Variants in DNAJB1 observed in about 807,000 individuals in gnomAD.
DNAJB1 encodes dnaJ homolog subfamily B member 1.
In DNAJB1, 14 loss-of-function variants were observed where a neutral mutation model predicts 24.0. The ratio of observed to expected loss-of-function variants is 0.58; its 90% CI spans 0.39 to 0.91. The LOEUF is 0.91. Among genes scored for constraint, DNAJB1 ranks in the 40% least tolerant of loss-of-function variants. The probability of loss-of-function intolerance (pLI) is 0.00; values close to 1 mark genes in which losing one functional copy is unlikely to be tolerated. For missense variants in DNAJB1, 517 were observed against 458.1 expected (o/e 1.13, Z -1.17); for synonymous variants, 262 against 174.4 (o/e 1.50, Z -3.96).
At chr19:14,538,928 A>G (rs1368865135) in intron 1 of DNAJB1, among the ~76,000 whole-genome samples, 1 of 151,668 alleles carries the variant, frequency 6.6e-6, no homozygotes, top group African/African-American at 2.4e-5. Context: ...AGAAGCCCAG[A>G]TGCCAGTGCC....
intron 1 of DNAJB1, among the ~76,000 whole-genome samples, chr19:14,547,994 C>T (rs1167128917): frequency 5.5e-5 from 8 of 145,254 alleles, no homozygotes; most frequent in African/African-American, 1.8e-4. Flanking sequence ...GACGGAGTCT[C>T]GCTCTGTCAC....
At chr19:14,554,025 G>C (rs1053295154), upstream of DNAJB1, among the ~76,000 whole-genome samples, 3 of 152,210 alleles carry the variant, frequency 2.0e-5, no homozygotes, top group African/African-American at 7.2e-5. Context: ...CCGGAGCTTT[G>C]AGCTCAACAG....
intron 1 of DNAJB1, among the ~76,000 whole-genome samples, chr19:14,538,039 C>CACTCA (rs2072966578): frequency 6.6e-6 from 1 of 152,164 alleles, no homozygotes; most frequent in East Asian, 1.9e-4. Flanking sequence ...AGCCACTGCG[C>CACTCA]CGGCAGTGTG....
In DNAJB1 at chr19:14,518,260, G is replaced by A; in HGVS notation, c.90C>T (p.Arg30=). 3 of 1,608,260 alleles carry A rather than the reference G, an allele frequency of 1.9e-6. No individual in the cohort carries two copies. In the South Asian group the frequency reaches 3.3e-5, roughly 18 times the overall value. The stretch of plus-strand genomic sequence containing the variant: ...GCTCCTTGTTCTTGTCCGGGTGGTA[G>A]CGCAGCGCCTGGCGGCGGTAGGCCC... ...IKRAYRRQAL[R]YHPDKNKEPG... is the part of the protein sequence containing the mutation. Residue 30 remains arginine (R), a synonymous_variant, in exon 1 of 3, where the codon CGC becomes CGT. Coordinates refer to ENST00000254322, the MANE Select transcript of DNAJB1 (RefSeq NM_006145.3).
chr19:14,515,849 C>T lies in DNAJB1; in HGVS notation c.*91G>A, dbSNP rs553097812. ...GTACGAAAGCCCTCCCTGGGCCCTC[C>T]CACCCTCTCATGGTCCACAACTGGT... On this transcript the variant is annotated 3_prime_UTR_variant, in exon 3 of 3. Transcript: ENST00000254322. The T allele has an allele frequency of 2.9e-4, 377 of 1,297,220 alleles. 1 individual carries two copies. Among genetic ancestry groups the T allele is most frequent in the Middle Eastern group, 2.6e-3 (10 of 3,792 alleles). 80.4% of individuals were successfully genotyped at this position (1,297,220 alleles called of 1,614,324 possible). A position where few individuals can be genotyped will look rare whatever the true frequency, so the allele number is the denominator to read the frequency against.
chr19:14,529,486 C>G (rs1389592453), upstream of DNAJB1: 2 of 695,592 alleles, frequency 2.9e-6, no homozygotes, highest in African/African-American at 3.5e-5. Flanking sequence ...TAGTCCTAGT[C>G]TTGGTTCGGA....
chr19:14,519,175 C>T (rs2072334096), upstream of DNAJB1, among the ~76,000 whole-genome samples: 1 of 152,198 alleles, frequency 6.6e-6, no homozygotes, highest in Non-Finnish European at 1.5e-5. Context: ...CGAGACCAGC[C>T]TGGCCAACAT....
chr19:14,541,490 C>G (rs1379755940), intron 1 of DNAJB1, among the ~76,000 whole-genome samples: 1 of 152,244 alleles, frequency 6.6e-6, no homozygotes, highest in South Asian at 2.1e-4. Context: ...GTTTTCCAGT[C>G]CATCACTTAT....
chr19:14,532,968 G>A (rs1432213424), upstream of DNAJB1, among the ~76,000 whole-genome samples: 1 of 151,906 alleles, frequency 6.6e-6, no homozygotes, highest in Non-Finnish European at 1.5e-5. Flanking sequence ...AAATTAGCTG[G>A]GTATGGTGGC....
intron 1 of DNAJB1, among the ~76,000 whole-genome samples, chr19:14,543,439 T>A (rs1446958639): frequency 0.019 from 944 of 49,148 alleles, 36 homozygotes; most frequent in Non-Finnish European, 0.037. Context: ...TTTTTTTTTT[T>A]TTTTTTTTTT....
upstream of DNAJB1, among the ~76,000 whole-genome samples, chr19:14,518,877 G>A (rs1310454934): frequency 6.6e-6 from 1 of 152,198 alleles, no homozygotes; most frequent in East Asian, 1.9e-4. Flanking sequence ...GACGCCGGAC[G>A]AACTACCTAA....
chr19:14,517,956 A>C (rs2072303563), intron 1 of DNAJB1, 183 bp downstream of exon 1: 3 of 558,706 alleles, frequency 5.4e-6, no homozygotes, highest in Non-Finnish European at 8.5e-6. Flanking sequence ...GGCTGGGCCA[A>C]GGCTCCTCCT....
intron 1 of DNAJB1, among the ~76,000 whole-genome samples, chr19:14,543,107 G>A (rs919786109): frequency 6.6e-6 from 1 of 150,652 alleles, no homozygotes; most frequent in Non-Finnish European, 1.5e-5. Context: ...GTTAACACAA[G>A]CCCTGGGGCT....
chr19:14,518,273 C>A lies in DNAJB1; in HGVS notation c.77G>T (p.Arg26Leu), dbSNP rs747484683. ...GTCCGGGTGGTAGCGCAGCGCCTGGCGGCGGTAGGCCCGCTTGATCTCCTC... is the reference window on the plus strand; with the variant it reads ...GTCCGGGTGGTAGCGCAGCGCCTGGAGGCGGTAGGCCCGCTTGATCTCCTC... ...SDEEIKRAYR[R>L]QALRYHPDKN... Residue 26 changes from arginine to leucine, a missense_variant, in exon 1 of 3, where the codon CGC becomes CTC. By Grantham distance (102) the Arg-to-Leu change is moderately radical (BLOSUM62 -2). Coordinates refer to ENST00000254322, the MANE Select transcript of DNAJB1 (RefSeq NM_006145.3). 13 of 1,609,518 alleles carry A rather than the reference C, an allele frequency of 8.1e-6. No homozygotes were observed. The Admixed American group carries it at 2.0e-4, about 25-fold the overall frequency.
At chr19:14,548,249 C>T (rs2073372691) in intron 1 of DNAJB1, among the ~76,000 whole-genome samples, 1 of 152,082 alleles carries the variant, frequency 6.6e-6, no homozygotes, top group South Asian at 2.1e-4. Context: ...GTGTGAGCCA[C>T]TGTGCCTGGG....
upstream of DNAJB1, among the ~76,000 whole-genome samples, chr19:14,553,915 T>C (rs4080414): frequency 0.028 from 4,323 of 152,212 alleles, 203 homozygotes; most frequent in African/African-American, 0.099. Flanking sequence ...CTGGTTGCAC[T>C]GACCAGGGCT....
chr19:14,546,955 A>G (rs962813460), intron 1 of DNAJB1, among the ~76,000 whole-genome samples: 3 of 152,212 alleles, frequency 2.0e-5, no homozygotes, highest in Non-Finnish European at 4.4e-5. Context: ...TTGGCCTCCC[A>G]AAGTGCTGGG....
chr19:14,518,799 C>A (rs1413427949), upstream of DNAJB1, among the ~76,000 whole-genome samples: 1 of 152,240 alleles, frequency 6.6e-6, no homozygotes, highest in Non-Finnish European at 1.5e-5. Flanking sequence ...CTACCCAGTC[C>A]TTTCCCCGGG....
At chr19:14,554,047 G>A (rs75033261), upstream of DNAJB1, among the ~76,000 whole-genome samples, 3,781 of 152,294 alleles carry the variant, frequency 0.025, 78 homozygotes, top group East Asian at 0.1. Context: ...TGGGCTGTGC[G>A]GCACCACATC....
Sources: gnomAD v4.1 joint callset for allele counts (sites outside exome capture counted in the v4.1 genomes callset) on GRCh38, gnomAD v4.1.1 for gene constraint, MANE v1.5 for transcripts, NCBI Gene and HGNC (gene_info 2026-07-23, HGNC 2026-07-21) for gene names.